Variants in DSC3 observed in about 807,000 individuals in gnomAD.
DSC3 encodes desmocollin-3.
Under a neutral mutation model 89.5 loss-of-function variants are expected in DSC3, and 97 were observed. That is an observed-to-expected ratio of 1.08 (90% CI 0.92 to 1.28). DSC3 has a LOEUF of 1.28. DSC3 is among the 50% of genes most tolerant of loss of function. The probability of loss-of-function intolerance (pLI) is 0.00; values close to 1 mark genes in which losing one functional copy is unlikely to be tolerated. For missense variants in DSC3, 1,199 were observed against 1,085.3 expected (o/e 1.10, Z -1.47); for synonymous variants, 436 against 384.1 (o/e 1.14, Z -1.58).
chr18:31,022,469 C>G lies in DSC3; in HGVS notation c.809G>C (p.Arg270Thr). The G allele has an allele frequency of 6.2e-7, 1 of 1,614,064 alleles. No homozygotes were observed. The highest frequency in any genetic ancestry group is 8.5e-7 in the Non-Finnish European group (1 of 1,179,966). The change falls in exon 7 of 16, where the codon AGA (arginine) becomes ACA (threonine). Residue 270 changes from arginine to threonine, a missense_variant. Coordinates refer to ENST00000360428, the MANE Select transcript of DSC3 (RefSeq NM_001941.5). ...CGTATGCATTGTGTCCGGTTCATCT[C>G]TGTCTGTGGCACAAACCACCCCCAC... is the stretch of plus-strand genomic sequence containing the variant. ...TTVGVVCATD[R>T]DEPDTMHTRL...
intron 9 of DSC3, among the ~76,000 whole-genome samples, chr18:31,014,913 G>T (rs2144703590): frequency 6.6e-6 from 1 of 152,108 alleles, no homozygotes; most frequent in Middle Eastern, 3.4e-3. Flanking sequence ...AGCCTTAGGT[G>T]GTTGTTGTGT....
chr18:31,040,114 G>T (rs1415585294), intron 1 of DSC3, among the ~76,000 whole-genome samples: 1 of 151,986 alleles, frequency 6.6e-6, no homozygotes, highest in Non-Finnish European at 1.5e-5. Context: ...ATCAACATAG[G>T]TTGCAGGCAG....
At position 30,991,026 on chromosome 18, in the gene DSC3, T is replaced by G. The variant is rs1476890685; in HGVS notation, c.*3149A>C. On this transcript the variant is annotated 3_prime_UTR_variant, in exon 16 of 16. Transcript: ENST00000360428. ...GCATAATTTTGCAAAGTGATCATCT[T>G]AGAATTATTTAATCTCTAAATACAG... The G allele has an allele frequency of 1.3e-5, 2 of 152,320 alleles. No individual in the cohort carries two copies. Among genetic ancestry groups the G allele is most frequent in the Non-Finnish European group, 2.9e-5 (2 of 68,038 alleles). 9.4% of individuals were successfully genotyped at this position (152,320 alleles called of 1,614,324 possible). A position where few individuals can be genotyped will look rare whatever the true frequency, so the allele number is the denominator to read the frequency against.
chr18:31,025,750 A>G lies in DSC3; in HGVS notation c.630+10T>C. The G allele has an allele frequency of 1.2e-6, 2 of 1,612,368 alleles. No individual in the cohort carries two copies. The highest frequency in any genetic ancestry group is 1.7e-6 in the Non-Finnish European group (2 of 1,178,716). On this transcript the variant is annotated intron_variant, in intron 5 of 15. Coordinates refer to ENST00000360428, the MANE Select transcript of DSC3 (RefSeq NM_001941.5). Reference sequence around the variant, plus strand: ...TAATTTAAAGTCAGGCATATCAATAAAAGTCCTACATCAAAAACATCATAT... The same window carrying G: ...TAATTTAAAGTCAGGCATATCAATAGAAGTCCTACATCAAAAACATCATAT...
At chr18:31,032,587 TGTGCGTGTGCGTGTGC>T (rs1279908519) in intron 1 of DSC3, among the ~76,000 whole-genome samples, 4 of 108,386 alleles carry the variant, frequency 3.7e-5, no homozygotes, top group East Asian at 3.3e-4. Flanking sequence ...TGTGTGTGTG[TGTGCGTGTGCGTGTGC>T]GTGTGCGTGT....
intron 3 of DSC3, among the ~76,000 whole-genome samples, 155 bp downstream of exon 3, chr18:31,030,817 GA>G (rs760627661): frequency 1.8e-4 from 27 of 151,032 alleles, no homozygotes; most frequent in Non-Finnish European, 1.3e-4. Flanking sequence ...GGAGGGGAAG[GA>G]AAAGGGTAAG....
Position 30,996,893 on chromosome 18 carries a change from A to T in DSC3, c.2391T>A (p.His797Gln). Residue 797 changes from histidine (H) to glutamine (Q), a missense_variant, in exon 15 of 16, where the codon CAT becomes CAA. By Grantham distance (24) the His-to-Gln change is conservative. Coordinates refer to ENST00000360428, the MANE Select transcript of DSC3 (RefSeq NM_001941.5). ...QTLESCRGAG[H>Q]HHTLDSCRGG... is the part of the protein sequence containing the mutation. ...CCCTGCAGGAGTCCAGGGTATGATG[A>T]TGCCCAGCCCCCCGGCAGGATTCCA... The T allele has an allele frequency of 6.2e-7, 1 of 1,613,776 alleles. No individual in the cohort carries two copies. Among genetic ancestry groups the T allele is most frequent in the Non-Finnish European group, 8.5e-7 (1 of 1,179,996 alleles).
Position 31,008,232 on chromosome 18 carries a change from A to C in DSC3, c.1520+37T>G, listed in dbSNP as rs1284918538. On this transcript the variant is annotated intron_variant, in intron 10 of 15. Coordinates refer to ENST00000360428, the MANE Select transcript of DSC3 (RefSeq NM_001941.5). ...TAAGTTACTATCTCAATGATTACAA[A>C]TACATTATTAGTATGTGGTTATAGA... The C allele has an allele frequency of 7.4e-6, 12 of 1,612,262 alleles. No homozygotes were observed. In the East Asian group the frequency reaches 2.7e-4, roughly 36 times the overall value.
Position 30,992,427 on chromosome 18 carries a change from T to C in DSC3, c.*1748A>G, listed in dbSNP as rs1984297951. ...TCATCATGCAGTCAGCTCTGTCTCCTTGATTTCTCACTCCAAATAAGGTGA... is the reference window on the plus strand; with the variant it reads ...TCATCATGCAGTCAGCTCTGTCTCCCTGATTTCTCACTCCAAATAAGGTGA... On this transcript the variant is annotated 3_prime_UTR_variant, in exon 16 of 16. Coordinates refer to ENST00000360428, the MANE Select transcript of DSC3 (RefSeq NM_001941.5). 1.3e-5 allele frequency: 2 copies of C among 152,222 alleles called. No individual in the cohort carries two copies. The highest frequency in any genetic ancestry group is 1.3e-4 in the Admixed American group (2 of 15,286). The allele number at this position is 152,222 out of a possible 1,614,324, so 9.4% of individuals were successfully genotyped here.
chr18:31,040,357 A>G (rs531326776), intron 1 of DSC3, among the ~76,000 whole-genome samples: 2 of 152,302 alleles, frequency 1.3e-5, no homozygotes, highest in South Asian at 2.1e-4. Flanking sequence ...GGCAGAAGAC[A>G]ACTGATCTCA....
chr18:31,037,753 A>G (rs1986017392), intron 1 of DSC3, among the ~76,000 whole-genome samples: 1 of 152,144 alleles, frequency 6.6e-6, no homozygotes, highest in African/African-American at 2.4e-5. Context: ...TACAAAAATT[A>G]GCCGGCTGTG....
chr18:31,026,116 C>T (rs1042575641), intron 4 of DSC3, among the ~76,000 whole-genome samples: 1 of 151,818 alleles, frequency 6.6e-6, no homozygotes, highest in Non-Finnish European at 1.5e-5. Flanking sequence ...TGGAATGTAC[C>T]CTAGGAAGAA....
At chr18:31,005,028 A>G (rs1310761133) in intron 12 of DSC3, among the ~76,000 whole-genome samples, 1 of 152,208 alleles carries the variant, frequency 6.6e-6, no homozygotes. Flanking sequence ...AATGGCAGTT[A>G]CAGCCTCCCT....
chr18:31,001,319 A>C (rs1213170640), intron 14 of DSC3, among the ~76,000 whole-genome samples: 1 of 151,826 alleles, frequency 6.6e-6, no homozygotes, highest in African/African-American at 2.4e-5. Context: ...TATATCTGGA[A>C]ATATACATTG....
rs556507229 is a variant in DSC3, at chr18:31,026,364, G to A, written c.475-449C>T. On this transcript the variant is annotated intron_variant, in intron 4 of 15. Transcript: ENST00000360428. ...TCGAGGATGCTGGCTTTTCCTTGGA[G>A]TCTAATGGAAAACCACTGGAGAATT... Among the ~76,000 whole-genome samples, 102 of 152,214 alleles carry A rather than the reference G, an allele frequency of 6.7e-4. No individual in the cohort carries two copies. The Middle Eastern group carries it at 0.02, about 30-fold the overall frequency.
chr18:31,032,008 G>A (rs762070579), intron 2 of DSC3, among the ~76,000 whole-genome samples, 184 bp downstream of exon 2: 7 of 152,072 alleles, frequency 4.6e-5, no homozygotes, highest in Non-Finnish European at 7.3e-5. Flanking sequence ...AACATCTTCA[G>A]GGCTGATGAC....
At chr18:31,002,288 C>T (rs1225982413) in intron 13 of DSC3, among the ~76,000 whole-genome samples, 1 of 152,038 alleles carries the variant, frequency 6.6e-6, no homozygotes, top group African/African-American at 2.4e-5. Context: ...TCTAAAAGAC[C>T]CTATAGTGCA....
intron 2 of DSC3, 133 bp downstream of exon 2, chr18:31,032,059 G>A (rs1445600001): frequency 2.9e-6 from 2 of 686,430 alleles, no homozygotes; most frequent in African/African-American, 1.8e-5. Context: ...GATAACTTCT[G>A]GTTTACTCCC....
Position 31,020,557 on chromosome 18 carries a change from C to T in DSC3, c.943-1757G>A, listed in dbSNP as rs74448055. Among the ~76,000 whole-genome samples, 937 of 152,104 alleles carry T rather than the reference C, an allele frequency of 6.2e-3. 7 individuals are homozygous for T. The highest frequency in any genetic ancestry group is 0.022 in the African/African-American group (895 of 41,490). On this transcript the variant is annotated intron_variant, in intron 7 of 15. Coordinates refer to ENST00000360428, the MANE Select transcript of DSC3 (RefSeq NM_001941.5). ...CTTTTATTTTACTGTTCGTTAGTCA[C>T]GCTTTCATTCTTTTATTTTTCTTCA...
Sources: gnomAD v4.1 joint callset for allele counts (sites outside exome capture counted in the v4.1 genomes callset) on GRCh38, gnomAD v4.1.1 for gene constraint, MANE v1.5 for transcripts, NCBI Gene and HGNC (gene_info 2026-07-23, HGNC 2026-07-21) for gene names.